Variants in MAGEL2 observed in about 807,000 individuals in gnomAD.
The protein encoded by MAGEL2 is MAGE-like protein 2.
For missense variants in MAGEL2, 1,830 were observed against 1,699.2 expected (o/e 1.08, Z -1.35); for synonymous variants, 792 against 721.7 (o/e 1.10, Z -1.56).
At position 23,645,317 on chromosome 15, in the gene MAGEL2, G is replaced by T. The variant is rs201811165; in HGVS notation, c.2426C>A (p.Ala809Asp). ...ASLNAFKGPS[A>D]ASETPKSLPY... ...CAGTGACTTTGGGGTCTCTGAGGCAGCAGAGGGGCCTTTAAAGGCATTCAG... is the reference window on the plus strand; with the variant it reads ...CAGTGACTTTGGGGTCTCTGAGGCATCAGAGGGGCCTTTAAAGGCATTCAG... The change falls in exon 1 of 1, where the codon GCT becomes GAT. Residue 809 changes from alanine (A) to aspartate (D), a missense_variant. Transcript: ENST00000650528. 220 of 1,613,908 alleles carry T rather than the reference G, an allele frequency of 1.4e-4. No homozygotes were observed. Among genetic ancestry groups the T allele is most frequent in the Non-Finnish European group, 1.7e-4 (206 of 1,179,910 alleles).
Position 23,646,784 on chromosome 15 carries a change from G to T in MAGEL2, c.959C>A (p.Ala320Asp), listed in dbSNP as rs541606785. 152 of 1,535,152 alleles carry T rather than the reference G, an allele frequency of 9.9e-5. No homozygotes were observed. In the African/African-American group the frequency reaches 2.0e-3, roughly 20 times the overall value. ...QPAAPPAQPM[A>D]PPAQPMASWA... is the part of the protein sequence containing the mutation. ...AGAAGCCATCGGCTGTGCAGGTGGG[G>T]CCATCGGCTGTGCAGGTGGGGCCGC... Residue 320 changes from alanine to aspartate, a missense_variant, in exon 1 of 1, where the codon GCC becomes GAC. By Grantham distance (126) the Ala-to-Asp change is moderately radical. Transcript: ENST00000650528. This position sits in a 1 kb window ranked among gnomAD's most constrained non-coding sequence, Gnocchi z 4.2.
In MAGEL2 at chr15:23,645,789, C is replaced by A. The variant is rs1406891362; in HGVS notation, c.1954G>T (p.Ala652Ser). 1 of 1,590,026 alleles carries A rather than the reference C, an allele frequency of 6.3e-7. No individual in the cohort carries two copies. The highest frequency in any genetic ancestry group is 1.3e-5 in the African/African-American group (1 of 74,492). The change falls in exon 1 of 1, where the codon GCC becomes TCC. Residue 652 changes from alanine to serine, a missense_variant. Ala to Ser is a moderately conservative substitution (Grantham distance 99). Transcript: ENST00000650528. ...LVQLEQPFQG[A>S]PPSQKAVQIQ... ...TGCACGGCTTTTTGGGAGGGCGGGG[C>A]TCCCTGAAAGGGCTGCTCCAGCTGG...
Position 23,644,725 on chromosome 15 carries a change from G to A in MAGEL2, c.3018C>T (p.Thr1006=), listed in dbSNP as rs1035333736. The A allele has an allele frequency of 1.2e-5, 20 of 1,613,774 alleles. No homozygotes were observed. The highest frequency in any genetic ancestry group is 1.5e-5 in the Non-Finnish European group (18 of 1,179,878). ...GTGCCTCCACCTTGGAATTATCCTG[G>A]GTGGCACTGGATCCCGGAGAGACAC... The part of the protein sequence containing the change: ...VASVSPGSSA[T]QDNSKVEAQP... Residue 1006 remains threonine, a synonymous_variant, in exon 1 of 1, where the codon ACC becomes ACT. Transcript: ENST00000650528.
rs1289955796 is a variant in MAGEL2, at chr15:23,646,302, G to C, written c.1441C>G (p.Gln481Glu). ...GCCTGGCGGATCACAGGTGGAGCCT[G>C]GCGGATCACAGGTGGGGCCTGGCGG... Reference protein sequence around the residue: ...VIRQAPPVIRQAPPVIRQAPP... With the variant: ...VIRQAPPVIREAPPVIRQAPP... Residue 481 changes from glutamine (Q) to glutamate (E), a missense_variant, in exon 1 of 1, where the codon CAG (glutamine) becomes GAG (glutamate). Physicochemically the swap from Gln to Glu is conservative, Grantham distance 29 (BLOSUM62 2). Coordinates refer to ENST00000650528, the MANE Select transcript of MAGEL2 (RefSeq NM_019066.5). This position sits in a 1 kb window ranked among gnomAD's most constrained non-coding sequence, Gnocchi z 4.2. 6.6e-6 allele frequency: 9 copies of C among 1,373,132 alleles called. No homozygotes were observed. The East Asian group carries it at 2.4e-4, about 36-fold the overall frequency. 85.1% of individuals were successfully genotyped at this position (1,373,132 alleles called of 1,614,324 possible). A position where few individuals can be genotyped will look rare whatever the true frequency, so the allele number is the denominator to read the frequency against.
In MAGEL2 at chr15:23,646,474, G is replaced by C; in HGVS notation, c.1269C>G (p.Ile423Met). 2.1e-6 allele frequency: 3 copies of C among 1,438,710 alleles called. No homozygotes were observed. Among genetic ancestry groups the C allele is most frequent in the Non-Finnish European group, 2.7e-6 (3 of 1,103,934 alleles). 89.1% of individuals were successfully genotyped at this position (1,438,710 alleles called of 1,614,324 possible). ...GTCGCACCGGTGGTGGGCCAGGGCG[G>C]ATGGGTGGTGGGCCAGGGCGGATGG... ...PPPIRPGPPPIRPGPPPVRQA... is the reference protein window; with the variant it reads ...PPPIRPGPPPMRPGPPPVRQA... The change falls in exon 1 of 1, where the codon ATC (isoleucine) becomes ATG (methionine). Residue 423 changes from isoleucine to methionine, a missense_variant. By Grantham distance (10) the Ile-to-Met change is conservative. Coordinates refer to ENST00000650528, the MANE Select transcript of MAGEL2 (RefSeq NM_019066.5). The surrounding 1 kb of genome is among the most constrained non-coding windows in gnomAD (Gnocchi z 4.2).
chr15:23,645,238 T>A lies in MAGEL2; in HGVS notation c.2505A>T (p.Pro835=), dbSNP rs768941394. The A allele has an allele frequency of 3.7e-6, 6 of 1,613,786 alleles. No homozygotes were observed. The Admixed American group carries it at 1.0e-4, about 27-fold the overall frequency. ...FACVEALPAV[P]WVPQPNMNAS... ...CATTCATATTGGGCTGTGGGACCCA[T>A]GGAACTGCAGGCAGGGCCTCTACAC... is the stretch of plus-strand genomic sequence containing the variant. Residue 835 remains proline, a synonymous_variant, in exon 1 of 1, where the codon CCA becomes CCT. Transcript: ENST00000650528.
Position 23,646,172 on chromosome 15 carries a change from C to T in MAGEL2, c.1571G>A (p.Arg524Gln). The change falls in exon 1 of 1, where the codon CGG becomes CAG. Residue 524 changes from arginine (R) to glutamine (Q), a missense_variant. Transcript: ENST00000650528. The surrounding 1 kb of genome is among the most constrained non-coding windows in gnomAD (Gnocchi z 4.2). Reference sequence around the variant, plus strand: ...CGGCAGCCTAGCCTGCGGGGCCTGCCGCAGTGGAGGTGGGGGTGGCAGGGC... The same window carrying T: ...CGGCAGCCTAGCCTGCGGGGCCTGCTGCAGTGGAGGTGGGGGTGGCAGGGC... ...WQALPPPPPLRQAPQARLPAP... is the reference protein window; with the variant it reads ...WQALPPPPPLQQAPQARLPAP... 2.3e-6 allele frequency: 3 copies of T among 1,330,316 alleles called. No homozygotes were observed. The highest frequency in any genetic ancestry group is 2.9e-6 in the Non-Finnish European group (3 of 1,048,242). 82.4% of individuals were successfully genotyped at this position (1,330,316 alleles called of 1,614,324 possible). A position where few individuals can be genotyped will look rare whatever the true frequency, so the allele number is the denominator to read the frequency against.
In MAGEL2 at chr15:23,647,380, C is replaced by T. The variant is rs1312289658; in HGVS notation, c.363G>A (p.Gln121=). 3 of 1,535,108 alleles carry T rather than the reference C, an allele frequency of 2.0e-6. No individual in the cohort carries two copies. The highest frequency in any genetic ancestry group is 2.6e-6 in the Non-Finnish European group (3 of 1,146,220). ...CCATCAGGACTCCCGGGGTCGGAGG[C>T]TGGGCCATCGGGGCTCCCGGAGGTG... ...HPPPPGAPMA[Q]PPTPGVLMVH... The change falls in exon 1 of 1, where the codon CAG becomes CAA. Residue 121 remains glutamine (Q), a synonymous_variant. Transcript: ENST00000650528.
Position 23,647,216 on chromosome 15 carries a change from C to G in MAGEL2, c.527G>C (p.Gly176Ala), listed in dbSNP as rs769730342. 6.6e-7 allele frequency: 1 copy of G among 1,521,678 alleles called. No homozygotes were observed. Among genetic ancestry groups the G allele is most frequent in the African/African-American group, 1.4e-5 (1 of 72,820 alleles). The allele number at this position is 1,521,678 out of a possible 1,614,324, so 94.3% of individuals were successfully genotyped here. ...GTPMAHPPPP[G>A]TPMVHPPPPG... ...AGGAGGAGGATGCACCATCGGGGTC[C>G]CCGGAGGAGGAGGATGGGCCATCGG... is the stretch of plus-strand genomic sequence containing the variant. Residue 176 changes from glycine to alanine, a missense_variant, in exon 1 of 1, where the codon GGG (glycine) becomes GCG (alanine). Coordinates refer to ENST00000650528, the MANE Select transcript of MAGEL2 (RefSeq NM_019066.5).
rs1372075983 is a variant in MAGEL2 at position 23,645,393 on chromosome 15, C to A, written c.2350G>T (p.Ala784Ser). The A allele has an allele frequency of 1.9e-6, 3 of 1,613,976 alleles. No homozygotes were observed. The highest frequency in any genetic ancestry group is 1.3e-5 in the African/African-American group (1 of 75,068). The change falls in exon 1 of 1, where the codon GCT becomes TCT. Residue 784 changes from alanine (A) to serine (S), a missense_variant. Coordinates refer to ENST00000650528, the MANE Select transcript of MAGEL2 (RefSeq NM_019066.5). ...KNLPATPETFAPSSSVFPATS... is the reference protein window; with the variant it reads ...KNLPATPETFSPSSSVFPATS... ...GCTGGGAAGACACTTGAGGAGGGAG[C>A]AAAGGTCTCCGGTGTGGCAGGCAGG...
At position 23,644,803 on chromosome 15, in the gene MAGEL2, A is replaced by G; in HGVS notation, c.2940T>C (p.Gly980=). The change falls in exon 1 of 1, where the codon GGT becomes GGC. Residue 980 remains glycine (G), a synonymous_variant. Coordinates refer to ENST00000650528, the MANE Select transcript of MAGEL2 (RefSeq NM_019066.5). The part of the protein sequence containing the change: ...WEGPSTSRAL[G]LSESPGSSLP... ...GAGAGCTCCCTGGGCTTTCAGAGAG[A>G]CCCAGGGCCCTGGAGGTGCTCGGGC... is the stretch of plus-strand genomic sequence containing the variant. The G allele has an allele frequency of 5.6e-6, 9 of 1,613,104 alleles. No individual in the cohort carries two copies. The highest frequency in any genetic ancestry group is 1.1e-5 in the South Asian group (1 of 91,054).
Position 23,645,978 on chromosome 15 carries a change from C to T in MAGEL2, c.1765G>A (p.Ala589Thr), listed in dbSNP as rs764201394. 6.4e-7 allele frequency: 1 copy of T among 1,559,564 alleles called. No individual in the cohort carries two copies. ...GGCACCGGGGGCTGACCTTTGGGGGCCTGCCAGATGATGGAAGGGCAGTGC... is the reference window on the plus strand; with the variant it reads ...GGCACCGGGGGCTGACCTTTGGGGGTCTGCCAGATGATGGAAGGGCAGTGC... ...AVHCPSIIWQ[A>T]PKGQPPVPHE... Residue 589 changes from alanine to threonine, a missense_variant, in exon 1 of 1, where the codon GCC (alanine) becomes ACC (threonine). By Grantham distance (58) the Ala-to-Thr change is moderately conservative. Coordinates refer to ENST00000650528, the MANE Select transcript of MAGEL2 (RefSeq NM_019066.5).
Position 23,644,596 on chromosome 15 carries a change from G to A in MAGEL2, c.3147C>T (p.Val1049=). 2 of 1,613,956 alleles carry A rather than the reference G, an allele frequency of 1.2e-6. No homozygotes were observed. The highest frequency in any genetic ancestry group is 1.1e-5 in the South Asian group (1 of 91,076). ...ACTCATCTTTATACTCTCGGAGGATGACTTTCACCATCTCCGAGCGCTGGA... is the reference window on the plus strand; with the variant it reads ...ACTCATCTTTATACTCTCGGAGGATAACTTTCACCATCTCCGAGCGCTGGA... ...VPVQRSEMVK[V]ILREYKDECL... is the part of the protein sequence containing the mutation. The change falls in exon 1 of 1, where the codon GTC becomes GTT. Residue 1049 remains valine (V), a synonymous_variant. Coordinates refer to ENST00000650528, the MANE Select transcript of MAGEL2 (RefSeq NM_019066.5).
Position 23,644,825 on chromosome 15 carries a change from G to C in MAGEL2, c.2918C>G (p.Pro973Arg), listed in dbSNP as rs773146235. ...ASWALSAWEGPSTSRALGLSE... is the reference protein window; with the variant it reads ...ASWALSAWEGRSTSRALGLSE... ...GAGACCCAGGGCCCTGGAGGTGCTC[G>C]GGCCCTCCCAGGCACTCAGGGCCCA... Residue 973 changes from proline to arginine, a missense_variant, in exon 1 of 1, where the codon CCG becomes CGG. Pro to Arg is a moderately radical substitution (Grantham distance 103). Transcript: ENST00000650528. 2 of 1,612,502 alleles carry C rather than the reference G, an allele frequency of 1.2e-6. No homozygotes were observed. Among genetic ancestry groups the C allele is most frequent in the Non-Finnish European group, 1.7e-6 (2 of 1,179,680 alleles).
In MAGEL2 at chr15:23,647,389, C is replaced by T. The variant is rs1464719598; in HGVS notation, c.354G>A (p.Pro118=). The T allele has an allele frequency of 6.5e-7, 1 of 1,536,702 alleles. No homozygotes were observed. Among genetic ancestry groups the T allele is most frequent in the Non-Finnish European group, 8.7e-7 (1 of 1,146,800 alleles). ...CTCCCGGGGTCGGAGGCTGGGCCAT[C>T]GGGGCTCCCGGAGGTGGAGGATGCA... ...LMVHPPPPGA[P]MAQPPTPGVL... is the part of the protein sequence containing the mutation. The change falls in exon 1 of 1, where the codon CCG becomes CCA. Residue 118 remains proline, a synonymous_variant. Transcript: ENST00000650528.
Position 23,647,058 on chromosome 15 carries a change from T to G in MAGEL2, c.685A>C (p.Met229Leu), listed in dbSNP as rs1477531872. ...MAHPPPPGTPMAQPPAPGVLM... is the reference protein window; with the variant it reads ...MAHPPPPGTPLAQPPAPGVLM... ...ACTCCCGGAGCTGGAGGCTGGGCCA[T>G]CGGTGTACCCGGAGGGGGAGGATGA... The change falls in exon 1 of 1, where the codon ATG becomes CTG. Residue 229 changes from methionine (M) to leucine (L), a missense_variant. By Grantham distance (15) the Met-to-Leu change is conservative. Transcript: ENST00000650528. The G allele has an allele frequency of 1.3e-6, 2 of 1,536,242 alleles. No homozygotes were observed. The highest frequency in any genetic ancestry group is 1.7e-6 in the Non-Finnish European group (2 of 1,146,566).
Position 23,647,271 on chromosome 15 carries a change from G to A in MAGEL2, c.472C>T (p.Pro158Ser). Residue 158 changes from proline to serine, a missense_variant, in exon 1 of 1, where the codon CCA (proline) becomes TCA (serine). Physicochemically the swap from Pro to Ser is moderately conservative, Grantham distance 74. Transcript: ENST00000650528. ...CCCGGAGGAGGAGGATGGGCCATTG[G>A]GGTCCCCGGAGGGGGAGGGTGGGAC... is the stretch of plus-strand genomic sequence containing the variant. ...PMSHPPPPGT[P>S]MAHPPPPGTP... The A allele has an allele frequency of 6.5e-7, 1 of 1,534,316 alleles. No individual in the cohort carries two copies. Among genetic ancestry groups the A allele is most frequent in the Non-Finnish European group, 8.7e-7 (1 of 1,145,596 alleles).
Position 23,646,129 on chromosome 15 carries a change from C to T in MAGEL2, c.1614G>A (p.Ala538=), listed in dbSNP as rs1890397025. ...GTGGGGCCGTAGGCACCTGCGGCGC[C>T]GCCTGCACCTGCGGGGCCGGCAGCC... The part of the protein sequence containing the change: ...QARLPAPQVQ[A]APQVPTAPPA... The change falls in exon 1 of 1, where the codon GCG becomes GCA. Residue 538 remains alanine (A), a synonymous_variant. Transcript: ENST00000650528. The surrounding 1 kb of genome is among the most constrained non-coding windows in gnomAD (Gnocchi z 4.2). The T allele has an allele frequency of 3.7e-6, 5 of 1,350,098 alleles. No individual in the cohort carries two copies. The highest frequency in any genetic ancestry group is 3.7e-5 in the South Asian group (2 of 53,684). The allele number at this position is 1,350,098 out of a possible 1,614,324, so 83.6% of individuals were successfully genotyped here.
Position 23,646,568 on chromosome 15 carries a change from G to A in MAGEL2, c.1175C>T (p.Thr392Met), listed in dbSNP as rs781777662. The change falls in exon 1 of 1, where the codon ACG (threonine) becomes ATG (methionine). Residue 392 changes from threonine (T) to methionine (M), a missense_variant. Physicochemically the swap from Thr to Met is moderately conservative, Grantham distance 81 (BLOSUM62 -1). Transcript: ENST00000650528. The surrounding 1 kb of genome is among the most constrained non-coding windows in gnomAD (Gnocchi z 4.2). ...WQATPLTWQTTQVTWQAPAVT... is the reference protein window; with the variant it reads ...WQATPLTWQTMQVTWQAPAVT... ...GGCTGGTGCCTGCCAGGTGACCTGC[G>A]TGGTCTGCCAAGTCAGGGGAGTGGC... is the stretch of plus-strand genomic sequence containing the variant. 441 of 1,474,750 alleles carry A rather than the reference G, an allele frequency of 3.0e-4. 3 individuals are homozygous for A. The highest frequency in any genetic ancestry group is 1.1e-3 in the Admixed American group (45 of 41,838). 91.4% of individuals were successfully genotyped at this position (1,474,750 alleles called of 1,614,324 possible).
Sources: allele counts gnomAD v4.1 joint callset, GRCh38; gene constraint gnomAD v4.1.1; non-coding constraint Gnocchi (gnomAD v3.1); transcripts MANE v1.5; gene names NCBI Gene and HGNC (gene_info 2026-07-23, HGNC 2026-07-21).